Variants in TNRC6C observed in about 807,000 individuals in gnomAD.
TNRC6C encodes the protein trinucleotide repeat-containing gene 6C protein.
Under a neutral mutation model 153.7 loss-of-function variants are expected in TNRC6C, and 20 were observed. The observed-to-expected ratio is 0.13, with a 90% CI of 0.09 to 0.19. The LOEUF is 0.19. Among genes scored for constraint, TNRC6C ranks in the 10% least tolerant of loss-of-function variants. The pLI is 1.00. For missense variants in TNRC6C, 1,987 were observed against 2,172.0 expected (o/e 0.91, Z 1.69); for synonymous variants, 811 against 841.4 (o/e 0.96, Z 0.63).
At chr17:78,076,457 TTAAAC>T (rs2073087485) in intron 8 of TNRC6C, among the ~76,000 whole-genome samples, 1 of 152,140 alleles carries the variant, frequency 6.6e-6, no homozygotes, top group Non-Finnish European at 1.5e-5. Context: ...ATCATACTGT[TTAAAC>T]TGATAAAATT....
At chr17:77,973,500 T>G (rs1348224793) in intron 1 of TNRC6C, among the ~76,000 whole-genome samples, 3 of 152,138 alleles carry the variant, frequency 2.0e-5, no homozygotes, top group African/African-American at 7.2e-5. Context: ...TGTAGTCAGG[T>G]AAGGGAAAGT....
chr17:77,979,156 CACTATTAAAAAAGTTAAATGGAAA>C (rs2071039820), intron 1 of TNRC6C, among the ~76,000 whole-genome samples: 1 of 152,064 alleles, frequency 6.6e-6, no homozygotes, highest in South Asian at 2.1e-4. Flanking sequence ...AAGAACTGGA[CACTATTAAAAAAGTTAAATGGAAA>C]TTCTGGAATT....
intron 1 of TNRC6C, among the ~76,000 whole-genome samples, chr17:77,980,515 T>G (rs533831973): frequency 3.9e-5 from 6 of 152,212 alleles, no homozygotes; most frequent in Non-Finnish European, 8.8e-5. Context: ...AGCAAATGTG[T>G]GAGGGTTTCT....
At chr17:78,037,629 T>C (rs996982634) in intron 2 of TNRC6C, among the ~76,000 whole-genome samples, 3 of 152,144 alleles carry the variant, frequency 2.0e-5, no homozygotes, top group African/African-American at 7.2e-5. Flanking sequence ...GTAAAGCCTC[T>C]CAGTAAGCGC....
chr17:77,987,090 A>G (rs976278640), intron 1 of TNRC6C, among the ~76,000 whole-genome samples: 2 of 152,210 alleles, frequency 1.3e-5, no homozygotes, highest in African/African-American at 4.8e-5. Context: ...AACTGGGGGA[A>G]GTGTTTACAG....
upstream of TNRC6C, among the ~76,000 whole-genome samples, chr17:77,957,967 G>A (rs944125602): frequency 4.6e-5 from 7 of 152,208 alleles, no homozygotes; most frequent in African/African-American, 7.2e-5. Context: ...TCTCCCCGGG[G>A]GACTGTTTCG....
chr17:78,055,867 A>C (rs1162530112), intron 3 of TNRC6C, among the ~76,000 whole-genome samples: 6 of 152,190 alleles, frequency 3.9e-5, no homozygotes, highest in Non-Finnish European at 7.4e-5. Flanking sequence ...CCAAGGGTAC[A>C]TATGTGGGAG....
At chr17:77,961,157 CTTTT>C (rs1219661580) in intron 1 of TNRC6C, among the ~76,000 whole-genome samples, 3 of 136,458 alleles carry the variant, frequency 2.2e-5, no homozygotes, top group Non-Finnish European at 1.6e-5. Context: ...CTCGGTTTTA[CTTTT>C]TTTTTTTTTT....
intron 1 of TNRC6C, among the ~76,000 whole-genome samples, chr17:77,990,488 TC>T (rs1173149119): frequency 6.6e-6 from 1 of 152,190 alleles, no homozygotes; most frequent in African/African-American, 2.4e-5. Context: ...TTCTCAAACA[TC>T]CTGTGTGCCT....
upstream of TNRC6C, among the ~76,000 whole-genome samples, chr17:78,000,083 C>A (rs2071388401): frequency 6.6e-6 from 1 of 152,160 alleles, no homozygotes; most frequent in Admixed American, 6.5e-5. Flanking sequence ...CAATGAGTCG[C>A]CTTTTCCACC....
chr17:78,039,309 G>GCCCCCCCCCCCCC (rs11306576), intron 2 of TNRC6C, among the ~76,000 whole-genome samples: 5 of 113,462 alleles, frequency 4.4e-5, no homozygotes, highest in African/African-American at 1.4e-4. Context: ...TTCAAATCTT[G>GCCCCCCCCCCCCC]CCCCCCCCCC....
intron 1 of TNRC6C, among the ~76,000 whole-genome samples, chr17:78,005,605 T>A (rs915377633): frequency 3.3e-5 from 5 of 152,220 alleles, no homozygotes; most frequent in Admixed American, 1.3e-4. Flanking sequence ...ACTCCTATGA[T>A]GTGCTGGAGA....
rs1403447237 is a variant in TNRC6C at position 78,049,566 on chromosome 17, G to A, written c.504G>A (p.Gln168=). 3 of 1,613,964 alleles carry A rather than the reference G, an allele frequency of 1.9e-6. No homozygotes were observed. The highest frequency in any genetic ancestry group is 2.5e-6 in the Non-Finnish European group (3 of 1,179,900). ...CAGAACCACAAACGTCCACTTCTCAGAATGTGTCTTTCAGCGCACAACCTC... is the reference window on the plus strand; with the variant it reads ...CAGAACCACAAACGTCCACTTCTCAAAATGTGTCTTTCAGCGCACAACCTC... Residue 168 remains glutamine, a synonymous_variant, in exon 3 of 20, where the codon CAG becomes CAA. Transcript: ENST00000301624. This position sits in a 1 kb window ranked among gnomAD's most constrained non-coding sequence, Gnocchi z 4.1.
At chr17:78,018,747 C>G (rs565748016) in intron 1 of TNRC6C, among the ~76,000 whole-genome samples, 1 of 152,202 alleles carries the variant, frequency 6.6e-6, no homozygotes. Context: ...TTGATACAGC[C>G]CCAGCCTAGA....
intron 3 of TNRC6C, among the ~76,000 whole-genome samples, chr17:78,060,411 C>T (rs566214949): frequency 5.8e-4 from 88 of 151,644 alleles, no homozygotes; most frequent in African/African-American, 1.9e-3. Flanking sequence ...CTTAAAAAGC[C>T]AAGCACATAG....
At chr17:77,958,409 C>CA (rs1439523289), upstream of TNRC6C, among the ~76,000 whole-genome samples, 2 of 152,022 alleles carry the variant, frequency 1.3e-5, no homozygotes, top group Admixed American at 6.5e-5. Context: ...TCGGAGCGCG[C>CA]ACCGCTCGCA....
At chr17:78,064,040 A>G (rs551521918) in intron 3 of TNRC6C, among the ~76,000 whole-genome samples, 13 of 152,180 alleles carry the variant, frequency 8.5e-5, no homozygotes, top group African/African-American at 2.9e-4. Context: ...GAAAATGGCA[A>G]TTTTTTATTT....
Position 78,075,035 on chromosome 17 carries a change from G to A in TNRC6C, c.2918-101G>A, listed in dbSNP as rs2073060263. ...CTGGCTTCCCTGTGTTTGAAGGGGTGGAGGGTCTCCATCCCTCCTTGAGGC... is the reference window on the plus strand; with the variant it reads ...CTGGCTTCCCTGTGTTTGAAGGGGTAGAGGGTCTCCATCCCTCCTTGAGGC... On this transcript the variant is annotated intron_variant, in intron 7 of 19. Transcript: ENST00000301624. This position sits in a 1 kb window ranked among gnomAD's most constrained non-coding sequence, Gnocchi z 4.2. 6.9e-7 allele frequency: 1 copy of A among 1,443,856 alleles called. No individual in the cohort carries two copies. The highest frequency in any genetic ancestry group is 9.4e-7 in the Non-Finnish European group (1 of 1,064,610). 89.4% of individuals were successfully genotyped at this position (1,443,856 alleles called of 1,614,324 possible).
chr17:78,009,571 T>C (rs1330616996), intron 1 of TNRC6C, among the ~76,000 whole-genome samples: 2 of 152,168 alleles, frequency 1.3e-5, no homozygotes, highest in East Asian at 3.9e-4. Context: ...TTTGTTTTTT[T>C]GAGATGGAGT....
Sources: allele counts gnomAD v4.1 joint callset (sites outside exome capture counted in the v4.1 genomes callset), GRCh38; gene constraint gnomAD v4.1.1; non-coding constraint Gnocchi (gnomAD v3.1); transcripts MANE v1.5; gene names NCBI Gene and HGNC (gene_info 2026-07-23, HGNC 2026-07-21).